The following NUDT5 variants were observed in gnomAD, a reference collection of about 807,000 sequenced individuals.
NUDT5 encodes the protein ADP-sugar pyrophosphatase.
NUDT5 carries 21 observed loss-of-function variants against 34.1 expected under a neutral mutation model. The observed-to-expected ratio is 0.62, with a 90% CI of 0.44 to 0.89. The LOEUF is 0.89. Ranked by LOEUF, NUDT5 falls within the 40% of genes least tolerant of loss-of-function variation. The pLI, the probability that NUDT5 is intolerant of heterozygous loss-of-function variation, is 0.00. For missense variants in NUDT5, 249 were observed against 274.8 expected (o/e 0.91, Z 0.66); for synonymous variants, 85 against 97.6 (o/e 0.87, Z 0.76).
intron 1 of NUDT5, among the ~76,000 whole-genome samples, chr10:12,191,413 C>A (rs1223011828): frequency 1.5e-4 from 6 of 39,172 alleles, no homozygotes; most frequent in Admixed American, 3.5e-4. Flanking sequence ...ACAAAAAAAA[C>A]CACAAAGGAA....
chr10:12,188,051 G>A (rs987644773), intron 1 of NUDT5, among the ~76,000 whole-genome samples: 2 of 152,020 alleles, frequency 1.3e-5, no homozygotes, highest in Non-Finnish European at 2.9e-5. Context: ...AGGCAGGAGG[G>A]TCATTTGGAC....
intron 1 of NUDT5, among the ~76,000 whole-genome samples, chr10:12,194,771 C>G (rs75178594): frequency 0.027 from 4,140 of 152,220 alleles, 190 homozygotes; most frequent in African/African-American, 0.095. Context: ...TTAGGTGAAC[C>G]AGGAAGAATG....
chr10:12,186,398 C>T, intron 1 of NUDT5, 66 bp from the exon 2 acceptor site: 1 of 903,868 alleles, frequency 1.1e-6, no homozygotes, highest in Non-Finnish European at 1.8e-6. Context: ...GTCCACAGGA[C>T]ACTAGTCAAA....
chr10:12,166,532 C>T lies in NUDT5; in HGVS notation c.*1170G>A. On this transcript the variant is annotated 3_prime_UTR_variant, in exon 10 of 10. Transcript: ENST00000491614. ...CTCATAAAAATATCCTGGGCTCAGACAGTGAGCCTGTGGACAAACGGAGGC... is the reference window on the plus strand; with the variant it reads ...CTCATAAAAATATCCTGGGCTCAGATAGTGAGCCTGTGGACAAACGGAGGC... 1 of 310,168 alleles carries T rather than the reference C, an allele frequency of 3.2e-6. No individual in the cohort carries two copies. The highest frequency in any genetic ancestry group is 6.5e-6 in the Non-Finnish European group (1 of 153,076). 19.2% of individuals were successfully genotyped at this position (310,168 alleles called of 1,614,324 possible).
At chr10:12,193,708 G>C (rs1835275999) in intron 1 of NUDT5, among the ~76,000 whole-genome samples, 1 of 152,112 alleles carries the variant, frequency 6.6e-6, no homozygotes, top group Admixed American at 6.5e-5. Context: ...ATACCAAAAA[G>C]TCATTGAACA....
intron 3 of NUDT5, among the ~76,000 whole-genome samples, chr10:12,179,409 C>T (rs759371559): frequency 1.3e-5 from 2 of 152,180 alleles, no homozygotes; most frequent in African/African-American, 2.4e-5. Flanking sequence ...CTGCCGCTTT[C>T]TCAGAAAACT....
rs916364072 is a variant in NUDT5 at position 12,177,389 on chromosome 10, G to T, written c.289+404C>A. The stretch of plus-strand genomic sequence containing the variant: ...AAAAAATTAGCCGGGCGTGGTGGCG[G>T]GCGCCTGTAGTCCCAGCCACTCGGG... On this transcript the variant is annotated intron_variant, in intron 5 of 9. Coordinates refer to ENST00000491614, the MANE Select transcript of NUDT5 (RefSeq NM_014142.4). 4.7e-5 allele frequency among the ~76,000 whole-genome samples: 7 copies of T among 150,402 alleles called. No individual in the cohort carries two copies. In the East Asian group the frequency reaches 6.0e-4, roughly 13 times the overall value.
chr10:12,173,857 T>G lies in NUDT5; in HGVS notation c.290-44A>C. 7.2e-7 allele frequency: 1 copy of G among 1,382,838 alleles called. No individual in the cohort carries two copies. The highest frequency in any genetic ancestry group is 1.0e-6 in the Non-Finnish European group (1 of 1,004,222). 85.7% of individuals were successfully genotyped at this position (1,382,838 alleles called of 1,614,324 possible). A position where few individuals can be genotyped will look rare whatever the true frequency, so the allele number is the denominator to read the frequency against. ...GGTGTGATGGGAGCGGGAAATCCGGTTCTTTAAACCCTCCTTTTTTTTTTT... is the reference window on the plus strand; with the variant it reads ...GGTGTGATGGGAGCGGGAAATCCGGGTCTTTAAACCCTCCTTTTTTTTTTT... On this transcript the variant is annotated intron_variant, in intron 5 of 9. Transcript: ENST00000491614. The surrounding 1 kb of genome is among the most constrained non-coding windows in gnomAD (Gnocchi z 4.7).
chr10:12,190,177 C>T (rs1835198847), intron 1 of NUDT5, among the ~76,000 whole-genome samples: 1 of 152,208 alleles, frequency 6.6e-6, no homozygotes, highest in African/African-American at 2.4e-5. Context: ...GCGTGAGTCA[C>T]CGCGCCAGCG....
intron 5 of NUDT5, among the ~76,000 whole-genome samples, chr10:12,174,831 C>T (rs138240401): frequency 1.3e-5 from 2 of 152,276 alleles, no homozygotes; most frequent in African/African-American, 2.4e-5. Context: ...CTTCCTCACA[C>T]GTAGGATGCT....
intron 1 of NUDT5, among the ~76,000 whole-genome samples, chr10:12,190,369 C>T (rs374516562): frequency 2.0e-5 from 3 of 152,114 alleles, no homozygotes; most frequent in Non-Finnish European, 2.9e-5. Flanking sequence ...GATTTTTAGA[C>T]GTCTTGCACA....
chr10:12,185,495 C>T (rs1244241265), intron 2 of NUDT5, among the ~76,000 whole-genome samples: 1 of 152,240 alleles, frequency 6.6e-6, no homozygotes, highest in Non-Finnish European at 1.5e-5. Flanking sequence ...ACCCCAGGTT[C>T]GTTCTGCCTA....
rs1400748074 is a variant in NUDT5, at chr10:12,168,844, C to A, written c.551-1033G>T. Among the ~76,000 whole-genome samples, 1 of 152,080 alleles carries A rather than the reference C, an allele frequency of 6.6e-6. No individual in the cohort carries two copies. Among genetic ancestry groups the A allele is most frequent in the Admixed American group, 6.5e-5 (1 of 15,272 alleles). On this transcript the variant is annotated intron_variant, in intron 9 of 9. Coordinates refer to ENST00000491614, the MANE Select transcript of NUDT5 (RefSeq NM_014142.4). The surrounding 1 kb of genome is among the most constrained non-coding windows in gnomAD (Gnocchi z 4.8). ...GTGCCACGATCTTGGCTCACTGCAA[C>A]CTGCGCCTCCCGGGTTCAAGCGATT...
In NUDT5 at chr10:12,175,908, G is replaced by T. The variant is rs951133523; in HGVS notation, c.289+1885C>A. Among the ~76,000 whole-genome samples the T allele has an allele frequency of 3.9e-5, 6 of 151,902 alleles. No homozygotes were observed. Among genetic ancestry groups the T allele is most frequent in the African/African-American group, 1.5e-4 (6 of 41,354 alleles). ...AAAGAAAAAAGAAAAAGTGAGAGAA[G>T]AATTTATTCACGTTAATATTAAAAG... On this transcript the variant is annotated intron_variant, in intron 5 of 9. Coordinates refer to ENST00000491614, the MANE Select transcript of NUDT5 (RefSeq NM_014142.4). This position sits in a 1 kb window ranked among gnomAD's most constrained non-coding sequence, Gnocchi z 4.8.
At chr10:12,190,059 A>C (rs1835196713) in intron 1 of NUDT5, among the ~76,000 whole-genome samples, 1 of 152,008 alleles carries the variant, frequency 6.6e-6, no homozygotes. Context: ...ATGCCTGATT[A>C]ATTTTTTGTA....
At position 12,184,489 on chromosome 10, in the gene NUDT5, C is replaced by T. The variant is rs192089765; in HGVS notation, c.131+400G>A. ...AATTTGCATTTCCATGAGGCAGGCACGTACCTCAAAATTAGCAATGTTGTT... is the reference window on the plus strand; with the variant it reads ...AATTTGCATTTCCATGAGGCAGGCATGTACCTCAAAATTAGCAATGTTGTT... On this transcript the variant is annotated intron_variant, in intron 3 of 9. Coordinates refer to ENST00000491614, the MANE Select transcript of NUDT5 (RefSeq NM_014142.4). 439 of 1,552,108 alleles carry T rather than the reference C, an allele frequency of 2.8e-4. No individual in the cohort carries two copies. The Admixed American group carries it at 3.9e-3, about 14-fold the overall frequency.
At position 12,186,293 on chromosome 10, in the gene NUDT5, T is replaced by C; in HGVS notation, c.-2A>G. 1 of 1,610,748 alleles carries C rather than the reference T, an allele frequency of 6.2e-7. No homozygotes were observed. Among genetic ancestry groups the C allele is most frequent in the Non-Finnish European group, 8.5e-7 (1 of 1,176,828 alleles). ...TTCCGTTGGTTCTTGGCTCTCCATT[T>C]TCAAACGAGTCTTTACAGCCCTCAG... On this transcript the variant is annotated 5_prime_UTR_variant, in exon 2 of 10. Coordinates refer to ENST00000491614, the MANE Select transcript of NUDT5 (RefSeq NM_014142.4).
intron 1 of NUDT5, among the ~76,000 whole-genome samples, chr10:12,194,847 A>G (rs1835302975): frequency 6.6e-6 from 1 of 152,132 alleles, no homozygotes. Flanking sequence ...GTGGTAAGCG[A>G]CACGACTAGG....
rs1266755514 is a variant in NUDT5 at position 12,175,286 on chromosome 10, C to T, written c.290-1473G>A. Among the ~76,000 whole-genome samples the T allele has an allele frequency of 6.6e-6, 1 of 152,054 alleles. No individual in the cohort carries two copies. The highest frequency in any genetic ancestry group is 1.5e-5 in the Non-Finnish European group (1 of 68,030). ...AGTGAGCTGAAATCGTGCCACTGCACTCTAGCTTGGGCAACAAAAGTGAAA... is the reference window on the plus strand; with the variant it reads ...AGTGAGCTGAAATCGTGCCACTGCATTCTAGCTTGGGCAACAAAAGTGAAA... On this transcript the variant is annotated intron_variant, in intron 5 of 9. Coordinates refer to ENST00000491614, the MANE Select transcript of NUDT5 (RefSeq NM_014142.4). This position sits in a 1 kb window ranked among gnomAD's most constrained non-coding sequence, Gnocchi z 4.8.
Sources: gnomAD v4.1 joint callset for allele counts (sites outside exome capture counted in the v4.1 genomes callset) on GRCh38, gnomAD v4.1.1 for gene constraint, Gnocchi (gnomAD v3.1) non-coding constraint, MANE v1.5 for transcripts, NCBI Gene and HGNC (gene_info 2026-07-23, HGNC 2026-07-21) for gene names.